RIGI: variants seen among roughly 807,000 people sequenced by gnomAD.
RIGI encodes antiviral innate immune response receptor RIG-I.
chr9:32,515,885 A>T, the RIGI span, among the ~76,000 whole-genome samples: 1 of 151,408 alleles, frequency 6.6e-6, no homozygotes, highest in South Asian at 2.1e-4. Context: ...TTGCCCACAT[A>T]TGTGGCACTC....
At chr9:32,476,917 C>T in the RIGI span, 25 of 1,394,036 alleles carry the variant, frequency 1.8e-5, no homozygotes, top group South Asian at 3.0e-4. Context: ...ACACCATACC[C>T]AGCCCAATCT....
At chr9:32,487,629 A>T in the RIGI span, 1 of 1,614,006 alleles carries the variant, frequency 6.2e-7, no homozygotes, top group Non-Finnish European at 8.5e-7. Flanking sequence ...AGTCAGCCCA[A>T]TGACCTGTAA....
At chr9:32,509,084 A>T in the RIGI span, among the ~76,000 whole-genome samples, 57 of 152,266 alleles carry the variant, frequency 3.7e-4, no homozygotes, top group Non-Finnish European at 6.8e-4. Context: ...CTCTGAAAAA[A>T]AGCCAGCAGC....
the RIGI span, among the ~76,000 whole-genome samples, chr9:32,486,774 C>T: frequency 5.9e-5 from 9 of 152,006 alleles, no homozygotes; most frequent in South Asian, 1.2e-3. Context: ...CAGGAGGAAC[C>T]GGATTGTAAA....
At chr9:32,521,577 G>A in the RIGI span, among the ~76,000 whole-genome samples, 19 of 152,128 alleles carry the variant, frequency 1.2e-4, no homozygotes, top group East Asian at 3.7e-3. Flanking sequence ...CTAAATTCAG[G>A]GGGTTTTTTT....
At chr9:32,498,011 T>G in the RIGI span, among the ~76,000 whole-genome samples, 1 of 152,198 alleles carries the variant, frequency 6.6e-6, no homozygotes, top group East Asian at 1.9e-4. Flanking sequence ...GAAACAGTGC[T>G]TTCTCTGATG....
the RIGI span, among the ~76,000 whole-genome samples, chr9:32,465,079 C>T: frequency 1.3e-5 from 2 of 152,182 alleles, no homozygotes. Flanking sequence ...GCTATTAAAA[C>T]TCGTGGTTTT....
the RIGI span, among the ~76,000 whole-genome samples, chr9:32,507,006 T>C: frequency 1.3e-5 from 2 of 152,234 alleles, no homozygotes; most frequent in Non-Finnish European, 2.9e-5. Context: ...TTTCTCATTC[T>C]GCTAGAAGTT....
chr9:32,506,622 A>C, the RIGI span, among the ~76,000 whole-genome samples: 1 of 152,176 alleles, frequency 6.6e-6, no homozygotes, highest in Non-Finnish European at 1.5e-5. Flanking sequence ...TTGTTTTTCC[A>C]GTATATGAAA....
the RIGI span, among the ~76,000 whole-genome samples, chr9:32,502,788 G>A: frequency 6.6e-6 from 1 of 152,082 alleles, no homozygotes; most frequent in African/African-American, 2.4e-5. Flanking sequence ...CTGGCTTGTG[G>A]CCACATCACT....
chr9:32,513,924 A>C, the RIGI span, among the ~76,000 whole-genome samples: 4 of 152,270 alleles, frequency 2.6e-5, no homozygotes, highest in Non-Finnish European at 5.9e-5. Flanking sequence ...GGATATGAGC[A>C]GACATTTCTC....
the RIGI span, among the ~76,000 whole-genome samples, chr9:32,483,153 A>T: frequency 6.6e-6 from 1 of 152,150 alleles, no homozygotes; most frequent in Non-Finnish European, 1.5e-5. Context: ...TTACTCTGGT[A>T]TCAGTTCGCC....
the RIGI span, among the ~76,000 whole-genome samples, chr9:32,507,633 T>C: frequency 6.6e-6 from 1 of 152,022 alleles, no homozygotes; most frequent in African/African-American, 2.4e-5. Context: ...TTGTCCCTTC[T>C]TTATCTCTTT....
At chr9:32,518,490 CTT>C in the RIGI span, among the ~76,000 whole-genome samples, 1 of 151,826 alleles carries the variant, frequency 6.6e-6, no homozygotes, top group Non-Finnish European at 1.5e-5. Flanking sequence ...TTTCCTATTT[CTT>C]TGTGTGTCTA....
chr9:32,498,291 A>G, the RIGI span: 3 of 456,706 alleles, frequency 6.6e-6, no homozygotes, highest in Non-Finnish European at 1.3e-5. Flanking sequence ...CATGGGTCCC[A>G]TAGAAAGGCA....
the RIGI span, chr9:32,480,187 C>G: frequency 1.9e-6 from 3 of 1,573,674 alleles, no homozygotes; most frequent in East Asian, 4.5e-5. Context: ...AAGAATGCTA[C>G]TGTGGCTTCC....
the RIGI span, among the ~76,000 whole-genome samples, chr9:32,515,872 T>A: frequency 6.6e-6 from 1 of 151,802 alleles, no homozygotes; most frequent in South Asian, 2.1e-4. Flanking sequence ...CCGTGATGCC[T>A]CCTTGCCCAC....
the RIGI span, among the ~76,000 whole-genome samples, chr9:32,460,983 C>T: frequency 6.6e-6 from 1 of 151,214 alleles, no homozygotes; most frequent in Non-Finnish European, 1.5e-5. Flanking sequence ...TCAAAAAACA[C>T]TCTAAGACAG....
chr9:32,488,324 T>C, the RIGI span: 1 of 1,059,824 alleles, frequency 9.4e-7, no homozygotes, highest in Admixed American at 2.3e-5. Context: ...GAAGAATAGC[T>C]GTAGGCAAGT....
Sources: allele counts gnomAD v4.1 joint callset (sites outside exome capture counted in the v4.1 genomes callset), GRCh38; gene constraint gnomAD v4.1.1; transcripts MANE v1.5; gene names NCBI Gene and HGNC (gene_info 2026-07-23, HGNC 2026-07-21).